TMEM67: variants seen among roughly 807,000 people sequenced by gnomAD.
TMEM67 encodes transmembrane protein 67, also known as meckelin.
In TMEM67, 124 loss-of-function variants were observed where a neutral mutation model predicts 136.6. That is an observed-to-expected ratio of 0.91 (90% CI 0.78 to 1.05). The LOEUF (loss-of-function observed/expected upper bound fraction) is 1.05, where lower values mean the gene tolerates loss of function less well. Ranked by LOEUF, TMEM67 falls within the 50% of genes least tolerant of loss-of-function variation. The pLI is 0.00. For synonymous variants in TMEM67, 364 were observed against 390.5 expected (o/e 0.93, Z 0.80); for missense variants, 1,107 against 1,178.4 (o/e 0.94, Z 0.89).
chr8:93,797,903 AC>A (rs1814692521), intron 20 of TMEM67, among the ~76,000 whole-genome samples: 1 of 152,096 alleles, frequency 6.6e-6, no homozygotes, highest in Non-Finnish European at 1.5e-5. Flanking sequence ...AATTGCTTGA[AC>A]CCGGGAGGCG....
intron 3 of TMEM67, among the ~76,000 whole-genome samples, chr8:93,762,353 T>A (rs941368066): frequency 2.7e-5 from 4 of 150,672 alleles, no homozygotes; most frequent in African/African-American, 9.8e-5. Context: ...TTTTTTTTTT[T>A]ACTTTTTAAC....
intron 6 of TMEM67, among the ~76,000 whole-genome samples, 177 bp from the exon 7 acceptor site, chr8:93,772,411 AT>A (rs1158977987): frequency 1.4e-4 from 21 of 152,140 alleles, no homozygotes; most frequent in African/African-American, 4.8e-4. Context: ...AAGTGTGATT[AT>A]TTTGTAATGC....
chr8:93,783,327 A>G (rs563945389), intron 11 of TMEM67, among the ~76,000 whole-genome samples: 21 of 152,290 alleles, frequency 1.4e-4, no homozygotes, highest in African/African-American at 5.1e-4. Flanking sequence ...TTCATAATAA[A>G]TTGTTTATCT....
In TMEM67 at chr8:93,790,230, A is replaced by G. The variant is rs553969214; in HGVS notation, c.1519-1033A>G. 1.1e-4 allele frequency among the ~76,000 whole-genome samples: 17 copies of G among 152,298 alleles called. 1 individual carries two copies. The South Asian group carries it at 3.3e-3, about 30-fold the overall frequency. The stretch of plus-strand genomic sequence containing the variant: ...ACATCCAGCTATGTCTCTGCTCTTT[A>G]TCTGGTCTTGAGCAGATCAGGACCA... On this transcript the variant is annotated intron_variant, in intron 14 of 27. Coordinates refer to ENST00000453321, the MANE Select transcript of TMEM67 (RefSeq NM_153704.6).
intron 9 of TMEM67, 83 bp downstream of exon 9, chr8:93,781,065 T>A: frequency 2.1e-6 from 2 of 960,398 alleles, no homozygotes; most frequent in Non-Finnish European, 1.7e-6. Context: ...TTCTTGCCTT[T>A]TTAGGTTGTT....
Position 93,787,917 on chromosome 8 carries a change from G to A in TMEM67, c.1486G>A (p.Asp496Asn), listed in dbSNP as rs1211785179. The change falls in exon 14 of 28, where the codon GAT becomes AAT. Residue 496 changes from aspartate (D) to asparagine (N), a missense_variant. Asp to Asn is a conservative substitution (Grantham distance 23). Transcript: ENST00000453321. ...AATCACCATTGCCTACAGTGACATTGATATCAAAGATGCCAACAGCCAGTC... is the reference window on the plus strand; with the variant it reads ...AATCACCATTGCCTACAGTGACATTAATATCAAAGATGCCAACAGCCAGTC... ...PLITIAYSDI[D>N]IKDANSQSVK... The A allele has an allele frequency of 1.2e-6, 2 of 1,613,914 alleles. No individual in the cohort carries two copies. The highest frequency in any genetic ancestry group is 1.7e-5 in the Admixed American group (1 of 60,014).
intron 1 of TMEM67, among the ~76,000 whole-genome samples, chr8:93,755,340 A>G (rs1044782419): frequency 6.6e-6 from 1 of 152,230 alleles, no homozygotes; most frequent in Non-Finnish European, 1.5e-5. Context: ...TATATTGTTT[A>G]GTGACGTAGA....
rs1428039430 is a variant in TMEM67, at chr8:93,815,438, A to G, written c.2898A>G (p.Leu966=). The G allele has an allele frequency of 1.2e-6, 2 of 1,612,440 alleles. No individual in the cohort carries two copies. Among genetic ancestry groups the G allele is most frequent in the Admixed American group, 1.7e-5 (1 of 59,936 alleles). ...TTTTAGCATCCTTCCTTACATATCTACAACAAGAGGTAAACTTTTAAAATT... is the reference window on the plus strand; with the variant it reads ...TTTTAGCATCCTTCCTTACATATCTGCAACAAGAGGTAAACTTTTAAAATT... ...NFILASFLTY[L]QQEIFRYIRN... The change falls in exon 27 of 28, where the codon CTA becomes CTG. Residue 966 remains leucine, a synonymous_variant. Coordinates refer to ENST00000453321, the MANE Select transcript of TMEM67 (RefSeq NM_153704.6).
In TMEM67 at chr8:93,791,249, G is replaced by C. The variant is rs1477028372; in HGVS notation, c.1519-14G>C. The C allele has an allele frequency of 6.4e-7, 1 of 1,573,224 alleles. No homozygotes were observed. Among genetic ancestry groups the C allele is most frequent in the Admixed American group, 1.7e-5 (1 of 59,624 alleles). ...AATTTCAGTATAGCTAATTTGTTTTGTTTTAAATATCAGGTTTCTTTCTCA... is the reference window on the plus strand; with the variant it reads ...AATTTCAGTATAGCTAATTTGTTTTCTTTTAAATATCAGGTTTCTTTCTCA... On this transcript the variant is annotated splice_polypyrimidine_tract_variant and intron_variant, in intron 14 of 27. Coordinates refer to ENST00000453321, the MANE Select transcript of TMEM67 (RefSeq NM_153704.6).
chr8:93,772,538 C>T, intron 6 of TMEM67, 51 bp from the exon 7 acceptor site: 1 of 1,274,472 alleles, frequency 7.8e-7, no homozygotes, highest in Non-Finnish European at 1.1e-6. Context: ...CAACAATATG[C>T]ATATTGGAGT....
chr8:93,814,139 T>A (rs1252845749), intron 26 of TMEM67, among the ~76,000 whole-genome samples: 1 of 144,834 alleles, frequency 6.9e-6, no homozygotes, highest in Non-Finnish European at 1.5e-5. Flanking sequence ...TGTATACTTT[T>A]TTTTTTTTTT....
downstream of TMEM67, among the ~76,000 whole-genome samples, chr8:93,821,307 G>A (rs887666578): frequency 1.3e-5 from 2 of 152,028 alleles, no homozygotes; most frequent in Admixed American, 1.3e-4. Context: ...TTTGAGACAG[G>A]GTCACTCTCT....
At chr8:93,789,654 AT>A (rs1398560791) in intron 14 of TMEM67, among the ~76,000 whole-genome samples, 4,853 of 86,762 alleles carry the variant, frequency 0.056, 182 homozygotes, top group African/African-American at 0.12. Flanking sequence ...TCAAAAAAAT[AT>A]ATATATATAT....
chr8:93,765,335 A>C (rs926238096), intron 4 of TMEM67, 71 bp from the exon 5 acceptor site: 1 of 1,254,042 alleles, frequency 8.0e-7, no homozygotes, highest in Middle Eastern at 2.7e-4. Flanking sequence ...ATTGTTTAGA[A>C]AGACAGCTTT....
At chr8:93,757,036 T>G (rs1037349616) in intron 2 of TMEM67, 1 of 151,344 alleles carries the variant, frequency 6.6e-6, no homozygotes, top group Non-Finnish European at 1.5e-5. Flanking sequence ...ATTGCACCAT[T>G]GCACTCCAGC....
At chr8:93,782,548 A>G in intron 11 of TMEM67, 88 bp downstream of exon 11, 1 of 838,634 alleles carries the variant, frequency 1.2e-6, no homozygotes, top group Admixed American at 2.6e-5. Context: ...TAAATTTTTG[A>G]GATTGGAAAT....
chr8:93,823,591 CTA>C (rs1809070766), downstream of TMEM67, among the ~76,000 whole-genome samples: 1 of 151,984 alleles, frequency 6.6e-6, no homozygotes, highest in African/African-American at 2.4e-5. Flanking sequence ...CTGGCCAGGA[CTA>C]TAGGATGGTA....
At chr8:93,797,551 C>A (rs1029743550) in intron 20 of TMEM67, 81 bp downstream of exon 20, 5 of 1,353,632 alleles carry the variant, frequency 3.7e-6, no homozygotes, top group Non-Finnish European at 5.2e-6. Context: ...ACTAAGTTTT[C>A]ATGACAGTGG....
chr8:93,785,912 A>C (rs1413705742), intron 12 of TMEM67: 1 of 338,756 alleles, frequency 3.0e-6, no homozygotes, highest in Non-Finnish European at 5.6e-6. Context: ...GGTTGCTACA[A>C]AAAAAAATTT....
Sources: gnomAD v4.1 joint callset for allele counts (sites outside exome capture counted in the v4.1 genomes callset) on GRCh38, gnomAD v4.1.1 for gene constraint, MANE v1.5 for transcripts, NCBI Gene and HGNC (gene_info 2026-07-23, HGNC 2026-07-21) for gene names.